Variants in KIAA1549L observed in about 807,000 individuals in gnomAD.
The protein encoded by KIAA1549L is UPF0606 protein KIAA1549L.
A neutral mutation model predicts 160.7 loss-of-function variants in KIAA1549L; 88 were observed. The observed-to-expected ratio is 0.55, with a 90% CI of 0.46 to 0.65. KIAA1549L has a LOEUF of 0.65. KIAA1549L is among the 30% of genes least tolerant of loss of function. The pLI is 0.00. For missense variants in KIAA1549L, 2,258 were observed against 2,437.5 expected (o/e 0.93, Z 1.55); for synonymous variants, 950 against 976.7 (o/e 0.97, Z 0.51).
intron 19 of KIAA1549L, 46 bp from the exon 20 acceptor site, chr11:33,660,817 C>G: frequency 1.9e-6 from 3 of 1,595,552 alleles, no homozygotes; most frequent in Non-Finnish European, 2.6e-6. Context: ...CTGGATCCCT[C>G]AGACCAGCCT....
At chr11:33,574,909 G>A (rs1352929205) in intron 10 of KIAA1549L, 36 bp downstream of exon 10, 6 of 1,548,862 alleles carry the variant, frequency 3.9e-6, no homozygotes, top group Non-Finnish European at 5.3e-6. Flanking sequence ...TCTTTTTAAT[G>A]CCATTAAATG....
At chr11:33,660,825 C>G (rs1394860479) in intron 19 of KIAA1549L, 38 bp from the exon 20 acceptor site, 6 of 1,605,752 alleles carry the variant, frequency 3.7e-6, no homozygotes, top group African/African-American at 1.3e-5. Flanking sequence ...CTCAGACCAG[C>G]CTCTCTTAAC....
chr11:33,437,194 C>T (rs1215407955), intron 1 of KIAA1549L, among the ~76,000 whole-genome samples: 1 of 152,074 alleles, frequency 6.6e-6, no homozygotes, highest in African/African-American at 2.4e-5. Context: ...TCATTTCAAA[C>T]TTTTTAGAGT....
chr11:33,435,782 A>ATGTGTG (rs1161737454), intron 1 of KIAA1549L, among the ~76,000 whole-genome samples: 2 of 21,398 alleles, frequency 9.3e-5, no homozygotes, highest in African/African-American at 9.2e-4. Flanking sequence ...ATATATATAT[A>ATGTGTG]TATATATATA....
chr11:33,586,479 C>A (rs553334693), intron 11 of KIAA1549L, among the ~76,000 whole-genome samples: 1 of 152,288 alleles, frequency 6.6e-6, no homozygotes, highest in African/African-American at 2.4e-5. Context: ...CACCTCCTTT[C>A]TTCCTAGTTC....
chr11:33,391,056 G>A (rs1355226288), intron 1 of KIAA1549L, among the ~76,000 whole-genome samples: 1 of 152,214 alleles, frequency 6.6e-6, no homozygotes, highest in African/African-American at 2.4e-5. Flanking sequence ...AAGGGAATAA[G>A]ATTTCAAGGT....
intron 18 of KIAA1549L, among the ~76,000 whole-genome samples, chr11:33,656,856 G>A (rs577849389): frequency 3.9e-5 from 6 of 152,118 alleles, no homozygotes; most frequent in Admixed American, 6.5e-5. Context: ...TTTAGAATGC[G>A]GAGGGGCGTA....
In KIAA1549L at chr11:33,413,136, G is replaced by T. The variant is rs551400411; in HGVS notation, c.238+36247G>T. On this transcript the variant is annotated intron_variant, in intron 1 of 20. Transcript: ENST00000658780. ...GATGTTTTAGGGAAATGCTGCATCAGATACCTGCTTCCTGAGATAAACCAT... is the reference window on the plus strand; with the variant it reads ...GATGTTTTAGGGAAATGCTGCATCATATACCTGCTTCCTGAGATAAACCAT... 3.3e-5 allele frequency among the ~76,000 whole-genome samples: 5 copies of T among 152,250 alleles called. No individual in the cohort carries two copies. The South Asian group carries it at 1.0e-3, about 32-fold the overall frequency.
At position 33,543,973 on chromosome 11, in the gene KIAA1549L, A is replaced by G; in HGVS notation, c.2410A>G (p.Thr804Ala). 5 of 1,613,992 alleles carry G rather than the reference A, an allele frequency of 3.1e-6. No homozygotes were observed. The highest frequency in any genetic ancestry group is 4.2e-6 in the Non-Finnish European group (5 of 1,179,876). Residue 804 changes from threonine (T) to alanine (A), a missense_variant, in exon 2 of 21, where the codon ACA (threonine) becomes GCA (alanine). Physicochemically the swap from Thr to Ala is moderately conservative, Grantham distance 58. Transcript: ENST00000658780. Reference sequence around the variant, plus strand: ...TGGAAGCCATATAGACCTCTGGCCCACAAGCAATAACAACCATTCCAGAGA... The same window carrying G: ...TGGAAGCCATATAGACCTCTGGCCCGCAAGCAATAACAACCATTCCAGAGA... ...MVGSHIDLWPTSNNNHSRDFQ... is the reference protein window; with the variant it reads ...MVGSHIDLWPASNNNHSRDFQ...
chr11:33,471,347 C>T (rs1345042782), intron 1 of KIAA1549L, among the ~76,000 whole-genome samples: 1 of 152,032 alleles, frequency 6.6e-6, no homozygotes, highest in Non-Finnish European at 1.5e-5. Context: ...TAAACTTAGC[C>T]ACTTCATTAG....
intron 4 of KIAA1549L, among the ~76,000 whole-genome samples, chr11:33,549,837 T>C (rs1296638304): frequency 6.6e-6 from 1 of 151,886 alleles, no homozygotes; most frequent in African/African-American, 2.4e-5. Flanking sequence ...GAACTCCATC[T>C]CTACAAAACA....
chr11:33,436,244 T>G (rs1851378480), intron 1 of KIAA1549L, among the ~76,000 whole-genome samples: 1 of 152,126 alleles, frequency 6.6e-6, no homozygotes, highest in Non-Finnish European at 1.5e-5. Flanking sequence ...TAATACATAT[T>G]ATATACATAG....
At chr11:33,583,594 C>T in intron 11 of KIAA1549L, 93 bp downstream of exon 11, 2 of 1,166,334 alleles carry the variant, frequency 1.7e-6, no homozygotes, top group Admixed American at 2.5e-5. Context: ...ATTGCCAGAG[C>T]CTGCAGAAAC....
intron 13 of KIAA1549L, among the ~76,000 whole-genome samples, chr11:33,599,950 C>G (rs868527055): frequency 2.0e-5 from 3 of 152,256 alleles, no homozygotes; most frequent in Non-Finnish European, 4.4e-5. Context: ...GGGACTCTTT[C>G]TTGAAGCTAG....
At chr11:33,623,912 G>C (rs7114092) in intron 16 of KIAA1549L, among the ~76,000 whole-genome samples, 7 of 151,954 alleles carry the variant, frequency 4.6e-5, no homozygotes, top group African/African-American at 1.7e-4. Flanking sequence ...GATCCCCTGC[G>C]TTCTGGACCC....
At chr11:33,649,791 C>T (rs994812211) in intron 17 of KIAA1549L, among the ~76,000 whole-genome samples, 2 of 147,516 alleles carry the variant, frequency 1.4e-5, no homozygotes, top group Non-Finnish European at 3.0e-5. Context: ...TACTAGGAGG[C>T]TGAAGTTGGA....
intron 1 of KIAA1549L, among the ~76,000 whole-genome samples, chr11:33,476,182 G>T (rs1312570053): frequency 6.6e-6 from 1 of 152,238 alleles, no homozygotes; most frequent in East Asian, 1.9e-4. Flanking sequence ...AGAATCTGCA[G>T]TTTTGTTGAA....
chr11:33,408,053 T>C (rs1850703130), intron 1 of KIAA1549L, among the ~76,000 whole-genome samples: 1 of 152,218 alleles, frequency 6.6e-6, no homozygotes, highest in Non-Finnish European at 1.5e-5. Context: ...CAAGGGGTGT[T>C]AAGATAATAA....
intron 17 of KIAA1549L, among the ~76,000 whole-genome samples, chr11:33,654,130 G>A (rs1430751996): frequency 4.0e-5 from 6 of 151,162 alleles, no homozygotes; most frequent in East Asian, 1.9e-4. Flanking sequence ...GTGCCACCAC[G>A]CCCAGCTAAT....
Sources: allele counts gnomAD v4.1 joint callset (sites outside exome capture counted in the v4.1 genomes callset), GRCh38; gene constraint gnomAD v4.1.1; transcripts MANE v1.5; gene names NCBI Gene and HGNC (gene_info 2026-07-23, HGNC 2026-07-21).